Variants in NRAS observed in about 807,000 individuals in gnomAD.
NRAS encodes the protein NRAS proto-oncogene, GTPase, also known as GTPase NRas.
NRAS carries 6 observed loss-of-function variants against 21.3 expected under a neutral mutation model. The ratio of observed to expected loss-of-function variants is 0.28; its 90% confidence interval spans 0.15 to 0.56. NRAS has a LOEUF of 0.56. NRAS is among the 20% of genes least tolerant of loss of function. The probability of loss-of-function intolerance (pLI) is 0.93; values close to 1 mark genes in which losing one functional copy is unlikely to be tolerated. For synonymous variants in NRAS, 84 were observed against 82.0 expected (o/e 1.02, Z -0.13); for missense variants, 143 against 231.3 (o/e 0.62, Z 2.48).
intron 3 of NRAS, among the ~76,000 whole-genome samples, chr1:114,710,201 C>A (rs1659011916): frequency 1.6e-5 from 2 of 123,488 alleles, no homozygotes; most frequent in African/African-American, 6.4e-5. Flanking sequence ...CCCCAACCCC[C>A]CCCAAAAAAT....
At position 114,709,719 on chromosome 1, in the gene NRAS, A is replaced by T. The variant is rs575693594; in HGVS notation, c.300T>A (p.Ile100=). The T allele has an allele frequency of 1.1e-5, 18 of 1,612,966 alleles. No homozygotes were observed. In the South Asian group the frequency reaches 2.0e-4, roughly 18 times the overall value. The change falls in exon 4 of 7, where the codon ATT becomes ATA. Residue 100 remains isoleucine, a synonymous_variant. Transcript: ENST00000369535. ...FADINLYREQ[I]KRVKDSDDVP... is the part of the protein sequence containing the mutation. Reference sequence around the variant, plus strand: ...CATCATCCGAGTCTTTTACTCGCTTAATCTGCTCCCTAAAAACGGGAATAT... The same window carrying T: ...CATCATCCGAGTCTTTTACTCGCTTTATCTGCTCCCTAAAAACGGGAATAT...
rs751774011 is a variant in NRAS, at chr1:114,709,607, C to T, written c.412G>A (p.Gly138Arg). 2.5e-6 allele frequency: 4 copies of T among 1,614,046 alleles called. No homozygotes were observed. Among genetic ancestry groups the T allele is most frequent in the Non-Finnish European group, 3.4e-6 (4 of 1,179,960 alleles). ...KQAHELAKSY[G>R]IPFIETSAKT... Reference sequence around the variant, plus strand: ...GCTGAGGTTTCAATGAATGGAATCCCGTAACTCTTGGCCAGTTCGTGGGCT... The same window carrying T: ...GCTGAGGTTTCAATGAATGGAATCCTGTAACTCTTGGCCAGTTCGTGGGCT... The change falls in exon 4 of 7, where the codon GGG (glycine) becomes AGG (arginine). Residue 138 changes from glycine (G) to arginine (R), a missense_variant. Gly to Arg is a moderately radical substitution (Grantham distance 125). Transcript: ENST00000369535.
intron 5 of NRAS, 27 bp downstream of exon 5, chr1:114,708,504 A>C (rs770959888): frequency 6.2e-7 from 1 of 1,610,128 alleles, no homozygotes; most frequent in African/African-American, 1.3e-5. Context: ...TAAGATTTGT[A>C]ATTATGCCAA....
chr1:114,704,804 A>C lies in NRAS; in HGVS notation c.*3290T>G, dbSNP rs572616497. The C allele has an allele frequency of 3.3e-5, 5 of 152,352 alleles. No individual in the cohort carries two copies. Among genetic ancestry groups the C allele is most frequent in the African/African-American group, 1.2e-4 (5 of 41,584 alleles). 9.4% of individuals were successfully genotyped at this position (152,352 alleles called of 1,614,324 possible). A position where few individuals can be genotyped will look rare whatever the true frequency, so the allele number is the denominator to read the frequency against. ...AAATCATCTTACGTTTTGAAATATA[A>C]TACAACTACTCTGGTAACAAGAATA... On this transcript the variant is annotated 3_prime_UTR_variant, in exon 7 of 7. Coordinates refer to ENST00000369535, the MANE Select transcript of NRAS (RefSeq NM_002524.5).
rs1658919873 is a variant in NRAS, at chr1:114,706,333, T to C, written c.*1761A>G. 6.6e-6 allele frequency: 1 copy of C among 152,218 alleles called. No homozygotes were observed. 9.4% of individuals were successfully genotyped at this position (152,218 alleles called of 1,614,324 possible). ...TTGGAATTAGTCTTTTATCAAAAGT[T>C]ATCCAAGTCTATTTTTCATGAGAAT... On this transcript the variant is annotated 3_prime_UTR_variant, in exon 7 of 7. Transcript: ENST00000369535.
chr1:114,714,191 C>CTA (rs1272661723), intron 2 of NRAS, among the ~76,000 whole-genome samples: 1 of 152,156 alleles, frequency 6.6e-6, no homozygotes, highest in African/African-American at 2.4e-5. Context: ...CCACCAAATT[C>CTA]TATATGCCTG....
intron 3 of NRAS, among the ~76,000 whole-genome samples, chr1:114,710,551 A>G (rs1431299314): frequency 6.6e-6 from 1 of 151,416 alleles, no homozygotes; most frequent in African/African-American, 2.4e-5. Flanking sequence ...AGAAAAGAAA[A>G]AGAGAAAGAA....
chr1:114,711,885 T>C (rs1305344447), intron 3 of NRAS, among the ~76,000 whole-genome samples: 1 of 152,220 alleles, frequency 6.6e-6, no homozygotes, highest in East Asian at 1.9e-4. Context: ...TGGTACCTAC[T>C]AGTGGCTATT....
chr1:114,704,661 T>C lies in NRAS; in HGVS notation c.*3433A>G, dbSNP rs1658862985. 1 of 152,186 alleles carries C rather than the reference T, an allele frequency of 6.6e-6. No homozygotes were observed. The highest frequency in any genetic ancestry group is 6.5e-5 in the Admixed American group (1 of 15,278). The allele number at this position is 152,186 out of a possible 1,614,324, so 9.4% of individuals were successfully genotyped here. ...TAAACAGCAGAATTGCACAATTATT[T>C]TTACCTATATTTGATGGCACAAAAA... is the stretch of plus-strand genomic sequence containing the variant. On this transcript the variant is annotated 3_prime_UTR_variant, in exon 7 of 7. Transcript: ENST00000369535.
intron 2 of NRAS, among the ~76,000 whole-genome samples, chr1:114,715,438 T>C (rs1659137969): frequency 6.6e-6 from 1 of 152,208 alleles, no homozygotes; most frequent in Non-Finnish European, 1.5e-5. Context: ...TTACCATTCA[T>C]AAATAACTTA....
In NRAS at chr1:114,705,592, G is replaced by A. The variant is rs1269769906; in HGVS notation, c.*2502C>T. 6.6e-6 allele frequency: 1 copy of A among 152,156 alleles called. No homozygotes were observed. The highest frequency in any genetic ancestry group is 1.5e-5 in the Non-Finnish European group (1 of 68,024). The allele number at this position is 152,156 out of a possible 1,614,324, so 9.4% of individuals were successfully genotyped here. A position where few individuals can be genotyped will look rare whatever the true frequency, so the allele number is the denominator to read the frequency against. On this transcript the variant is annotated 3_prime_UTR_variant, in exon 7 of 7. Coordinates refer to ENST00000369535, the MANE Select transcript of NRAS (RefSeq NM_002524.5). The stretch of plus-strand genomic sequence containing the variant: ...TTATTCAGCTTTTAACTATAAGTTT[G>A]TCACTCCTTTGTGCCAAAATTCACA...
chr1:114,708,550 T>C lies in NRAS; in HGVS notation c.555A>G (p.Pro185=), dbSNP rs761356631. 3 of 1,613,922 alleles carry C rather than the reference T, an allele frequency of 1.9e-6. No homozygotes were observed. The highest frequency in any genetic ancestry group is 1.1e-5 in the South Asian group (1 of 91,080). Residue 185 remains proline (P), a synonymous_variant, in exon 5 of 7, where the codon CCA becomes CCG. Coordinates refer to ENST00000369535, the MANE Select transcript of NRAS (RefSeq NM_002524.5). ...GCTCACCTTGTTACATCACCACACA[T>C]GGCAATCCCATACAACCCTGAGTCC... The part of the protein sequence containing the change: ...DDGTQGCMGL[P]CVVM
intron 4 of NRAS, among the ~76,000 whole-genome samples, chr1:114,708,896 A>C (rs1658975924): frequency 6.6e-6 from 1 of 152,248 alleles, no homozygotes; most frequent in Non-Finnish European, 1.5e-5. Flanking sequence ...ATTCATGCAA[A>C]GGAAAAGGGT....
intron 3 of NRAS, 87 bp from the exon 4 acceptor site, chr1:114,709,815 G>C: frequency 9.5e-7 from 1 of 1,054,522 alleles, no homozygotes; most frequent in South Asian, 1.3e-5. Flanking sequence ...CAGCACTTTG[G>C]GAGGCTGAGG....
chr1:114,710,557 AAGAAAGTGAGAGCGAG>A (rs1197095286), intron 3 of NRAS, among the ~76,000 whole-genome samples: 1 of 151,570 alleles, frequency 6.6e-6, no homozygotes, highest in Non-Finnish European at 1.5e-5. Flanking sequence ...GAAAAAGAGA[AAGAAAGTGAGAGCGAG>A]AGAAAGAGAG....
At chr1:114,709,834 C>T (rs1223672528) in intron 3 of NRAS, 106 bp from the exon 4 acceptor site, 2 of 864,186 alleles carry the variant, frequency 2.3e-6, no homozygotes, top group African/African-American at 1.7e-5. Context: ...GGAGGGCAGA[C>T]TGCTTGAACC....
chr1:114,710,346 A>AT (rs1659019625), intron 3 of NRAS, among the ~76,000 whole-genome samples: 2 of 144,414 alleles, frequency 1.4e-5, no homozygotes, highest in Non-Finnish European at 3.0e-5. Flanking sequence ...ATAAATAAAA[A>AT]ATATATATAC....
chr1:114,713,793 C>T lies in NRAS; in HGVS notation c.290+7G>A, dbSNP rs375788140. ...CATCCTTTCAGAGAAAATAATGCTC[C>T]TAGTACCTGTAGAGGTTAATATCCG... On this transcript the variant is annotated splice_region_variant and intron_variant, in intron 3 of 6. Transcript: ENST00000369535. 5.3e-5 allele frequency: 85 copies of T among 1,609,392 alleles called. 1 individual carries two copies. In the African/African-American group the frequency reaches 1.0e-3, roughly 19 times the overall value.
At chr1:114,712,829 C>A (rs970935755) in intron 3 of NRAS, among the ~76,000 whole-genome samples, 1 of 152,198 alleles carries the variant, frequency 6.6e-6, no homozygotes, top group Non-Finnish European at 1.5e-5. Context: ...GTTAGGAAAG[C>A]CACATAGCCC....
Sources: allele counts gnomAD v4.1 joint callset (sites outside exome capture counted in the v4.1 genomes callset), GRCh38; gene constraint gnomAD v4.1.1; transcripts MANE v1.5; gene names NCBI Gene and HGNC (gene_info 2026-07-23, HGNC 2026-07-21).